PDGFRL: variants seen among roughly 807,000 people sequenced by gnomAD.
PDGFRL encodes platelet-derived growth factor receptor-like protein.
Under a neutral mutation model 37.2 loss-of-function variants are expected in PDGFRL, and 46 were observed. That is an observed-to-expected ratio of 1.24 (90% CI 0.98 to 1.58). The LOEUF (loss-of-function observed/expected upper bound fraction) is 1.58. Among genes scored for constraint, PDGFRL ranks in the 40% most tolerant of loss-of-function variants. The probability of loss-of-function intolerance (pLI) is 0.00; values close to 1 mark genes in which losing one functional copy is unlikely to be tolerated. For synonymous variants in PDGFRL, 251 were observed against 184.3 expected, an observed-to-expected ratio of 1.36 and a Z score of -2.93; for missense variants, 692 against 467.6, an observed-to-expected ratio of 1.48 and a Z score of -4.43.
rs1424602887 is a variant in PDGFRL at position 17,603,208 on chromosome 8, T to C, written c.353+13443T>C. Among the ~76,000 whole-genome samples, 3 of 152,302 alleles carry C rather than the reference T, an allele frequency of 2.0e-5. No homozygotes were observed. The East Asian group carries it at 5.8e-4, about 29-fold the overall frequency. On this transcript the variant is annotated intron_variant, in intron 2 of 5. Coordinates refer to ENST00000251630, the MANE Select transcript of PDGFRL (RefSeq NM_001372073.1). The stretch of plus-strand genomic sequence containing the variant: ...GATGTTGGCCAGGCTTGTGTTGAAC[T>C]GTTGACCTCAAGTGATCCACCCACC...
Position 17,634,112 on chromosome 8 carries a change from T to G in PDGFRL, c.838T>G (p.Ser280Ala), listed in dbSNP as rs1011615632. The change falls in exon 5 of 6, where the codon TCA (serine) becomes GCA (alanine). Residue 280 changes from serine (S) to alanine (A), a missense_variant. By Grantham distance (99) the Ser-to-Ala change is moderately conservative (BLOSUM62 1). Transcript: ENST00000251630. ...GPPSTTILAS[S>A]NKVKSGDDIS... ...TCCCTCAACAACCATCTTGGCTTCT[T>G]CAAACAAAGTGAAAAGTGGGGACGA... 2 of 1,613,932 alleles carry G rather than the reference T, an allele frequency of 1.2e-6. No homozygotes were observed. Among genetic ancestry groups the G allele is most frequent in the Non-Finnish European group, 1.7e-6 (2 of 1,179,894 alleles).
intron 1 of PDGFRL, among the ~76,000 whole-genome samples, chr8:17,578,037 T>G (rs571617050): frequency 5.1e-3 from 209 of 40,990 alleles, no homozygotes; most frequent in African/African-American, 8.4e-3. Flanking sequence ...CCACAGGGTC[T>G]GGTGTTATTT....
rs1373763537 is a variant in PDGFRL, at chr8:17,628,611, A to G, written c.630A>G (p.Glu210=). The change falls in exon 4 of 6, where the codon GAA becomes GAG. Residue 210 remains glutamate (E), a synonymous_variant. Transcript: ENST00000251630. ...VLSAKVTLHR[E]FPAKEIPANG... Reference sequence around the variant, plus strand: ...CGGCCAAAGTCACGCTCCACAGGGAATTCCCAGCCAAGGAGATCCCAGCCA... The same window carrying G: ...CGGCCAAAGTCACGCTCCACAGGGAGTTCCCAGCCAAGGAGATCCCAGCCA... 1.9e-6 allele frequency: 3 copies of G among 1,614,212 alleles called. No individual in the cohort carries two copies. The East Asian group carries it at 6.7e-5, about 36-fold the overall frequency.
intron 2 of PDGFRL, among the ~76,000 whole-genome samples, chr8:17,617,328 T>G (rs888209385): frequency 1.3e-5 from 2 of 152,132 alleles, no homozygotes; most frequent in African/African-American, 4.8e-5. Context: ...TTTCCTGGCA[T>G]TTGGTCATGA....
At chr8:17,638,786 T>TATATATATATATATATATAA (rs751775328) in intron 5 of PDGFRL, among the ~76,000 whole-genome samples, 5 of 102,842 alleles carry the variant, frequency 4.9e-5, no homozygotes, top group Non-Finnish European at 7.8e-5. Context: ...TATATATATA[T>TATATATATATATATATATAA]AATTGTGATA....
At chr8:17,636,264 T>G (rs1440597068) in intron 5 of PDGFRL, among the ~76,000 whole-genome samples, 1 of 152,238 alleles carries the variant, frequency 6.6e-6, no homozygotes, top group Non-Finnish European at 1.5e-5. Flanking sequence ...ATTTAAGTAT[T>G]TGATCCACCT....
chr8:17,626,766 A>G (rs758029641), intron 3 of PDGFRL, among the ~76,000 whole-genome samples: 1 of 152,130 alleles, frequency 6.6e-6, no homozygotes, highest in Non-Finnish European at 1.5e-5. Context: ...CACCAACAAA[A>G]ATACCCCCAA....
chr8:17,577,411 C>T (rs1212333960), intron 1 of PDGFRL, 104 bp downstream of exon 1: 8 of 978,652 alleles, frequency 8.2e-6, no homozygotes, highest in African/African-American at 3.2e-5. Flanking sequence ...ACGTTCGGCC[C>T]TCGGTGGCTC....
intron 2 of PDGFRL, among the ~76,000 whole-genome samples, chr8:17,590,364 G>A (rs1328517841): frequency 6.6e-6 from 1 of 151,694 alleles, no homozygotes; most frequent in East Asian, 1.9e-4. Flanking sequence ...GGAATTTTAT[G>A]GGAAACCAAA....
Position 17,577,243 on chromosome 8 carries a change from G to A in PDGFRL, c.-10G>A, listed in dbSNP as rs570020712. ...CGCGCTCCTGCGCTCCGAGGTCCGA[G>A]GTTCCCGAGATGAAGGTCTGGCTGC... On this transcript the variant is annotated 5_prime_UTR_variant, in exon 1 of 6. Coordinates refer to ENST00000251630, the MANE Select transcript of PDGFRL (RefSeq NM_001372073.1). 1 of 1,612,052 alleles carries A rather than the reference G, an allele frequency of 6.2e-7. No individual in the cohort carries two copies. Among genetic ancestry groups the A allele is most frequent in the East Asian group, 2.2e-5 (1 of 44,758 alleles).
chr8:17,578,915 T>C (rs1348581729), intron 1 of PDGFRL, among the ~76,000 whole-genome samples: 1 of 152,210 alleles, frequency 6.6e-6, no homozygotes, highest in Non-Finnish European at 1.5e-5. Context: ...AGTACACACA[T>C]CTGGCCGGGC....
intron 2 of PDGFRL, among the ~76,000 whole-genome samples, chr8:17,616,759 C>T (rs991225980): frequency 6.6e-6 from 1 of 152,142 alleles, no homozygotes; most frequent in Non-Finnish European, 1.5e-5. Flanking sequence ...CTCTAGACAT[C>T]ATTGCATCCC....
At chr8:17,620,862 ATTTT>A (rs35442209) in intron 2 of PDGFRL, among the ~76,000 whole-genome samples, 185 bp from the exon 3 acceptor site, 121 of 147,596 alleles carry the variant, frequency 8.2e-4, no homozygotes, top group East Asian at 4.4e-3. Context: ...AGTTTTTATC[ATTTT>A]TTTTTTTTTA....
intron 2 of PDGFRL, among the ~76,000 whole-genome samples, chr8:17,590,901 G>C (rs375532032): frequency 2.3e-5 from 1 of 42,608 alleles, no homozygotes; most frequent in African/African-American, 7.1e-5. Context: ...TTTTTTTTTT[G>C]AGACGGAGTC....
intron 3 of PDGFRL, among the ~76,000 whole-genome samples, chr8:17,622,116 C>T (rs1804647622): frequency 6.6e-6 from 1 of 152,162 alleles, no homozygotes; most frequent in Non-Finnish European, 1.5e-5. Context: ...CTCTTCTCTG[C>T]AGTGCAAAGT....
chr8:17,590,058 C>T (rs756988040), intron 2 of PDGFRL, among the ~76,000 whole-genome samples: 9 of 150,974 alleles, frequency 6.0e-5, no homozygotes, highest in African/African-American at 1.9e-4. Context: ...GGTGAAATCC[C>T]GTCTCTATTA....
intron 4 of PDGFRL, among the ~76,000 whole-genome samples, chr8:17,630,487 C>T (rs1189868945): frequency 6.6e-6 from 1 of 152,170 alleles, no homozygotes; most frequent in Admixed American, 6.5e-5. Context: ...GTGAGTAAGA[C>T]AGCCTCATTC....
chr8:17,597,398 C>T (rs1037009384), intron 2 of PDGFRL, among the ~76,000 whole-genome samples: 2 of 152,230 alleles, frequency 1.3e-5, no homozygotes, highest in African/African-American at 4.8e-5. Flanking sequence ...CTTCTGACTG[C>T]TTCATCTTTT....
chr8:17,627,769 C>G (rs908248242), intron 3 of PDGFRL, among the ~76,000 whole-genome samples: 23 of 152,016 alleles, frequency 1.5e-4, no homozygotes, highest in Admixed American at 1.2e-3. Flanking sequence ...AGCCACCACG[C>G]CTGGCCAGAT....
Sources: allele counts gnomAD v4.1 joint callset (sites outside exome capture counted in the v4.1 genomes callset), GRCh38; gene constraint gnomAD v4.1.1; transcripts MANE v1.5; gene names NCBI Gene and HGNC (gene_info 2026-07-23, HGNC 2026-07-21).